GLRA3: variants seen among roughly 807,000 people sequenced by gnomAD.
GLRA3 encodes glycine receptor subunit alpha-3.
In GLRA3, 44 loss-of-function variants were observed where a neutral mutation model predicts 60.4. The ratio of observed to expected loss-of-function variants is 0.73; its 90% CI spans 0.57 to 0.94. GLRA3 has a LOEUF of 0.94. Ranked by LOEUF, GLRA3 falls within the 40% of genes least tolerant of loss-of-function variation. The probability of loss-of-function intolerance (pLI) is 0.00; values close to 1 mark genes in which losing one functional copy is unlikely to be tolerated. For missense variants in GLRA3, 508 were observed against 564.6 expected, an observed-to-expected ratio of 0.90 and a Z score of 1.02; for synonymous variants, 223 against 192.9, an observed-to-expected ratio of 1.16 and a Z score of -1.29.
intron 3 of GLRA3, among the ~76,000 whole-genome samples, chr4:174,763,133 T>C (rs1248703267): frequency 6.6e-6 from 1 of 152,154 alleles, no homozygotes; most frequent in Admixed American, 6.5e-5. Flanking sequence ...ATTACAGTCA[T>C]ACCCAACTAG....
intron 2 of GLRA3, among the ~76,000 whole-genome samples, chr4:174,784,469 A>T (rs10030751): frequency 0.1 from 12,497 of 121,984 alleles, 852 homozygotes; most frequent in East Asian, 0.5. Context: ...AAGTATAATT[A>T]AAAAAAAAAT....
At chr4:174,813,014 G>A (rs923031207) in intron 1 of GLRA3, among the ~76,000 whole-genome samples, 9 of 152,200 alleles carry the variant, frequency 5.9e-5, no homozygotes, top group Admixed American at 2.0e-4. Flanking sequence ...TAGAGACTGT[G>A]CTTTGTACAA....
chr4:174,823,784 C>T (rs1740845554), intron 1 of GLRA3, among the ~76,000 whole-genome samples: 2 of 152,004 alleles, frequency 1.3e-5, no homozygotes, highest in Non-Finnish European at 1.5e-5. Context: ...TAGAGAAATG[C>T]TAATGTTAAG....
At chr4:174,734,515 G>C (rs1412611087) in intron 3 of GLRA3, among the ~76,000 whole-genome samples, 2 of 152,068 alleles carry the variant, frequency 1.3e-5, no homozygotes, top group African/African-American at 4.8e-5. Context: ...CTATTTAGAG[G>C]CTTAAAAGGT....
At chr4:174,733,493 T>C (rs1427813466) in intron 3 of GLRA3, among the ~76,000 whole-genome samples, 1 of 152,002 alleles carries the variant, frequency 6.6e-6, no homozygotes, top group Non-Finnish European at 1.5e-5. Flanking sequence ...ATGTCTTGAG[T>C]AAACAAACTC....
intron 9 of GLRA3, among the ~76,000 whole-genome samples, chr4:174,649,418 T>C (rs1309052990): frequency 6.6e-6 from 1 of 152,156 alleles, no homozygotes; most frequent in Non-Finnish European, 1.5e-5. Context: ...ATGTGATACA[T>C]AAATGAAGGA....
At chr4:174,697,272 GT>G (rs2111034457) in intron 5 of GLRA3, among the ~76,000 whole-genome samples, 1 of 152,274 alleles carries the variant, frequency 6.6e-6, no homozygotes, top group South Asian at 2.1e-4. Context: ...TATCTCAAAA[GT>G]TAGGCAGGGT....
intron 5 of GLRA3, among the ~76,000 whole-genome samples, chr4:174,701,218 T>C (rs1347996587): frequency 6.6e-6 from 1 of 152,132 alleles, no homozygotes; most frequent in Admixed American, 6.6e-5. Flanking sequence ...CCAGTACTCA[T>C]TCACCGCTCA....
intron 3 of GLRA3, among the ~76,000 whole-genome samples, chr4:174,744,518 C>T (rs1737158568): frequency 6.6e-6 from 1 of 152,200 alleles, no homozygotes; most frequent in South Asian, 2.1e-4. Flanking sequence ...GTACCCTAAA[C>T]CACTGAGGAA....
chr4:174,657,427 A>C (rs1240757033), intron 8 of GLRA3, among the ~76,000 whole-genome samples: 1 of 152,138 alleles, frequency 6.6e-6, no homozygotes, highest in Non-Finnish European at 1.5e-5. Context: ...AGAAGGAAAA[A>C]GGTAAAGAAA....
At chr4:174,724,699 G>T (rs1263829497) in intron 4 of GLRA3, among the ~76,000 whole-genome samples, 1 of 151,752 alleles carries the variant, frequency 6.6e-6, no homozygotes, top group African/African-American at 2.4e-5. Flanking sequence ...ATACTTTCCA[G>T]GCAGATTTAC....
At position 174,829,000 on chromosome 4, in the gene GLRA3, AGT is replaced by A; in HGVS notation, c.-191_-190del. On this transcript the variant is annotated 5_prime_UTR_variant, in exon 1 of 10. Coordinates refer to ENST00000274093, the MANE Select transcript of GLRA3 (RefSeq NM_006529.4). ...TTCTCAGCATTGAGCAGAAGTGGAG[AGT>A]CACAGTGTTATAAATGTGCAGGTGA... 1 of 569,684 alleles carries A rather than the reference AGT, an allele frequency of 1.8e-6. No individual in the cohort carries two copies. Among genetic ancestry groups the A allele is most frequent in the East Asian group, 2.9e-5 (1 of 34,606 alleles). 35.3% of individuals were successfully genotyped at this position (569,684 alleles called of 1,614,324 possible). A position where few individuals can be genotyped will look rare whatever the true frequency, so the allele number is the denominator to read the frequency against.
chr4:174,736,378 A>G (rs1736789466), intron 3 of GLRA3, among the ~76,000 whole-genome samples: 1 of 152,136 alleles, frequency 6.6e-6, no homozygotes. Context: ...AGTATTATGC[A>G]GTATTACAGT....
intron 6 of GLRA3, among the ~76,000 whole-genome samples, chr4:174,679,192 G>A (rs1051467214): frequency 1.3e-5 from 2 of 151,990 alleles, no homozygotes; most frequent in Non-Finnish European, 1.5e-5. Flanking sequence ...TTAGCCAGTC[G>A]TGGTGGTGGG....
chr4:174,680,521 G>A (rs1331500241), intron 6 of GLRA3, among the ~76,000 whole-genome samples: 1 of 152,160 alleles, frequency 6.6e-6, no homozygotes, highest in East Asian at 1.9e-4. Flanking sequence ...GGGAGTATTA[G>A]GCTTGGAACA....
intron 2 of GLRA3, among the ~76,000 whole-genome samples, chr4:174,768,804 C>A (rs961872318): frequency 1.3e-5 from 2 of 152,120 alleles, no homozygotes; most frequent in Non-Finnish European, 2.9e-5. Flanking sequence ...TTTCCCACCA[C>A]CTTGTTTATA....
chr4:174,697,086 G>C (rs1735088156), intron 5 of GLRA3, among the ~76,000 whole-genome samples: 1 of 152,042 alleles, frequency 6.6e-6, no homozygotes, highest in Admixed American at 6.5e-5. Context: ...CTACACATGA[G>C]AAAAGAGGTT....
At chr4:174,792,816 G>A (rs551553382) in intron 1 of GLRA3, among the ~76,000 whole-genome samples, 2 of 152,138 alleles carry the variant, frequency 1.3e-5, no homozygotes, top group Admixed American at 1.3e-4. Context: ...CTGCAGACAA[G>A]TTAAATAATG....
chr4:174,754,710 A>T (rs1429797996), intron 3 of GLRA3, among the ~76,000 whole-genome samples: 2 of 152,168 alleles, frequency 1.3e-5, no homozygotes, highest in Non-Finnish European at 2.9e-5. Context: ...GAACAGAAAA[A>T]AATGGACTTT....
Sources: gnomAD v4.1 joint callset for allele counts (sites outside exome capture counted in the v4.1 genomes callset) on GRCh38, gnomAD v4.1.1 for gene constraint, MANE v1.5 for transcripts, NCBI Gene and HGNC (gene_info 2026-07-23, HGNC 2026-07-21) for gene names.